GALNTL6: variants seen among roughly 807,000 people sequenced by gnomAD.
GALNTL6 encodes polypeptide N-acetylgalactosaminyltransferase-like 6.
Under a neutral mutation model 73.7 loss-of-function variants are expected in GALNTL6, and 46 were observed. The observed-to-expected ratio is 0.62, with a 90% CI of 0.49 to 0.80. The LOEUF is 0.80. GALNTL6 is among the 30% of genes least tolerant of loss of function. The probability of loss-of-function intolerance (pLI) is 0.00; values close to 1 mark genes in which losing one functional copy is unlikely to be tolerated. For missense variants in GALNTL6, 604 were observed against 755.0 expected (o/e 0.80, Z 2.34); for synonymous variants, 259 against 263.7 (o/e 0.98, Z 0.17).
In GALNTL6 at chr4:172,008,177, A is replaced by G. The variant is rs573015251; in HGVS notation, c.138+193459A>G. Among the ~76,000 whole-genome samples, 9 of 152,322 alleles carry G rather than the reference A, an allele frequency of 5.9e-5. No homozygotes were observed. The South Asian group carries it at 1.0e-3, about 18-fold the overall frequency. ...GCTTTCATACCAGTTACACACAAAC[A>G]CAAATCACAGACAAAAGATGTTTTA... is the stretch of plus-strand genomic sequence containing the variant. On this transcript the variant is annotated intron_variant, in intron 2 of 12. Coordinates refer to ENST00000506823, the MANE Select transcript of GALNTL6 (RefSeq NM_001034845.3).
intron 5 of GALNTL6, among the ~76,000 whole-genome samples, chr4:172,354,098 G>A (rs553757550): frequency 1.9e-3 from 296 of 152,144 alleles, no homozygotes; most frequent in Middle Eastern, 6.8e-3. Flanking sequence ...TAACACTAAA[G>A]TGCATTTAAA....
intron 2 of GALNTL6, among the ~76,000 whole-genome samples, chr4:171,962,765 C>CTTTTTTTTTTTTTTTTT (rs139917729): frequency 1.8e-5 from 2 of 113,820 alleles, no homozygotes; most frequent in Non-Finnish European, 3.3e-5. Context: ...CTTGCTTTTA[C>CTTTTTTTTTTTTTTTTT]TTTTTTTTTT....
At position 172,356,695 on chromosome 4, in the gene GALNTL6, G is replaced by A. The variant is rs116259085; in HGVS notation, c.553+8006G>A. Among the ~76,000 whole-genome samples, 523 of 152,288 alleles carry A rather than the reference G, an allele frequency of 3.4e-3. 2 individuals are homozygous for A. Among genetic ancestry groups the A allele is most frequent in the African/African-American group, 0.012 (485 of 41,560 alleles). On this transcript the variant is annotated intron_variant, in intron 5 of 12. Coordinates refer to ENST00000506823, the MANE Select transcript of GALNTL6 (RefSeq NM_001034845.3). Reference sequence around the variant, plus strand: ...CATATTAGAATAATAGGATCTTTGAGATGAGGGATTTGTAGGTGACATGGT... The same window carrying A: ...CATATTAGAATAATAGGATCTTTGAAATGAGGGATTTGTAGGTGACATGGT...
chr4:172,275,026 C>T (rs1455216727), intron 3 of GALNTL6, among the ~76,000 whole-genome samples: 1 of 152,084 alleles, frequency 6.6e-6, no homozygotes, highest in East Asian at 1.9e-4. Flanking sequence ...ATTATTTCTT[C>T]CTGGAAGGTG....
intron 5 of GALNTL6, among the ~76,000 whole-genome samples, chr4:172,396,348 T>G (rs1230053212): frequency 6.6e-6 from 1 of 151,890 alleles, no homozygotes; most frequent in Non-Finnish European, 1.5e-5. Flanking sequence ...AGCCTTTATA[T>G]TCTACGTGTT....
chr4:172,502,449 TCA>T (rs981188694), intron 5 of GALNTL6, among the ~76,000 whole-genome samples: 10 of 150,852 alleles, frequency 6.6e-5, no homozygotes, highest in African/African-American at 2.2e-4. Context: ...ATTTTTCAAA[TCA>T]CAACATTCAA....
At chr4:172,468,535 G>A (rs1341910359) in intron 5 of GALNTL6, among the ~76,000 whole-genome samples, 2 of 152,092 alleles carry the variant, frequency 1.3e-5, no homozygotes, top group African/African-American at 4.8e-5. Context: ...GAAGATGCAA[G>A]GTTATATATA....
At chr4:172,846,443 A>G (rs1743510580) in intron 7 of GALNTL6, among the ~76,000 whole-genome samples, 2 of 152,220 alleles carry the variant, frequency 1.3e-5, no homozygotes, top group African/African-American at 4.8e-5. Context: ...CATACACAGA[A>G]CATAACCATA....
intron 2 of GALNTL6, among the ~76,000 whole-genome samples, chr4:171,932,524 G>A (rs1243908082): frequency 4.6e-5 from 7 of 152,298 alleles, no homozygotes; most frequent in South Asian, 2.1e-4. Context: ...TGGAAGCAGC[G>A]GGAGTCTGAG....
At chr4:172,882,382 G>A (rs77673975) in intron 7 of GALNTL6, among the ~76,000 whole-genome samples, 1,868 of 152,192 alleles carry the variant, frequency 0.012, 18 homozygotes, top group Non-Finnish European at 0.018. Context: ...GTCTACAAAA[G>A]CATTTTCAAT....
intron 7 of GALNTL6, among the ~76,000 whole-genome samples, chr4:172,869,006 A>G (rs1026505): frequency 0.6 from 91,088 of 152,028 alleles, 31,093 homozygotes; most frequent in East Asian, 0.91. Flanking sequence ...GCTAATGTGT[A>G]GTTATATCCT....
intron 10 of GALNTL6, among the ~76,000 whole-genome samples, chr4:172,956,654 G>A (rs1174708727): frequency 1.3e-5 from 2 of 152,320 alleles, no homozygotes; most frequent in East Asian, 1.9e-4. Context: ...TGTCTGGAAT[G>A]AGGCTGGGGC....
chr4:172,769,386 G>C (rs1392605963), intron 5 of GALNTL6, among the ~76,000 whole-genome samples: 1 of 152,102 alleles, frequency 6.6e-6, no homozygotes, highest in East Asian at 1.9e-4. Context: ...AAGAGGACTT[G>C]GCAATTGCAA....
chr4:172,024,370 T>C (rs545214275), intron 2 of GALNTL6, among the ~76,000 whole-genome samples: 5 of 151,954 alleles, frequency 3.3e-5, no homozygotes, highest in African/African-American at 1.2e-4. Context: ...TTATTACTGT[T>C]TAAAAGGCTT....
intron 3 of GALNTL6, among the ~76,000 whole-genome samples, chr4:172,264,736 T>G (rs1738394267): frequency 6.7e-6 from 1 of 150,236 alleles, no homozygotes; most frequent in African/African-American, 2.4e-5. Flanking sequence ...TTCACATCAT[T>G]TATACAGAAT....
At chr4:172,134,012 A>G (rs1446979516) in intron 2 of GALNTL6, among the ~76,000 whole-genome samples, 1 of 152,230 alleles carries the variant, frequency 6.6e-6, no homozygotes, top group Non-Finnish European at 1.5e-5. Flanking sequence ...TCAGAAAATT[A>G]GTTGACTGAA....
intron 2 of GALNTL6, among the ~76,000 whole-genome samples, chr4:171,853,402 C>T (rs1735582961): frequency 6.6e-6 from 1 of 151,566 alleles, no homozygotes; most frequent in South Asian, 2.1e-4. Flanking sequence ...CTTTCTTTTC[C>T]TATCTTTTCT....
intron 10 of GALNTL6, among the ~76,000 whole-genome samples, chr4:173,001,693 T>C (rs957285006): frequency 6.6e-6 from 1 of 152,126 alleles, no homozygotes; most frequent in African/African-American, 2.4e-5. Context: ...ATGACTCAAT[T>C]CAGAAATAGG....
chr4:172,223,036 A>T (rs713349), intron 2 of GALNTL6, among the ~76,000 whole-genome samples: 1 of 151,710 alleles, frequency 6.6e-6, no homozygotes, highest in South Asian at 2.1e-4. Context: ...TCCAGATTCT[A>T]TTGAAAAATT....
Sources: gnomAD v4.1 joint callset for allele counts (sites outside exome capture counted in the v4.1 genomes callset) on GRCh38, gnomAD v4.1.1 for gene constraint, MANE v1.5 for transcripts, NCBI Gene and HGNC (gene_info 2026-07-23, HGNC 2026-07-21) for gene names.